Variants in KCNH7 observed in about 807,000 individuals in gnomAD.
The protein encoded by KCNH7 is potassium voltage-gated channel subfamily H member 7.
A neutral mutation model predicts 120.8 loss-of-function variants in KCNH7; 49 were observed. The ratio of observed to expected loss-of-function variants is 0.41; its 90% confidence interval spans 0.32 to 0.51. The LOEUF (loss-of-function observed/expected upper bound fraction) is 0.51, where lower values mean the gene tolerates loss of function less well. Among genes scored for constraint, KCNH7 ranks in the 20% least tolerant of loss-of-function variants. KCNH7 has a pLI of 0.38. For missense variants in KCNH7, 1,097 were observed against 1,446.6 expected (o/e 0.76, Z 3.92); for synonymous variants, 547 against 516.1 (o/e 1.06, Z -0.81).
rs185591691 is a variant in KCNH7, at chr2:162,587,061, G to A, written c.308-49981C>T. Among the ~76,000 whole-genome samples, 252 of 152,098 alleles carry A rather than the reference G, an allele frequency of 1.7e-3. 3 individuals are homozygous for A. The South Asian group carries it at 0.032, about 19-fold the overall frequency. Reference sequence around the variant, plus strand: ...GTTACTTGTAAGCAAAACTTAGTTAGTATTAAATGAATTCATATACATGAA... The same window carrying A: ...GTTACTTGTAAGCAAAACTTAGTTAATATTAAATGAATTCATATACATGAA... On this transcript the variant is annotated intron_variant, in intron 2 of 15. Coordinates refer to ENST00000332142, the MANE Select transcript of KCNH7 (RefSeq NM_033272.4).
chr2:162,458,326 C>T lies in KCNH7; in HGVS notation c.1129-11883G>A, dbSNP rs1005719564. Reference sequence around the variant, plus strand: ...AAACAATTATAATATTTACAAATTACTTCAAATATATGCATATTAAAAAAT... The same window carrying T: ...AAACAATTATAATATTTACAAATTATTTCAAATATATGCATATTAAAAAAT... On this transcript the variant is annotated intron_variant, in intron 6 of 15. Coordinates refer to ENST00000332142, the MANE Select transcript of KCNH7 (RefSeq NM_033272.4). 1.6e-4 allele frequency among the ~76,000 whole-genome samples: 25 copies of T among 152,238 alleles called. 1 individual carries two copies. The highest frequency in any genetic ancestry group is 6.8e-3 in the Middle Eastern group (2 of 294).
chr2:162,496,359 T>A (rs1451682617), intron 6 of KCNH7, among the ~76,000 whole-genome samples: 1 of 152,030 alleles, frequency 6.6e-6, no homozygotes. Context: ...CTTACACAGT[T>A]CTCTTAAGCA....
intron 2 of KCNH7, among the ~76,000 whole-genome samples, chr2:162,635,972 G>A (rs748011318): frequency 1.1e-4 from 16 of 151,904 alleles, no homozygotes; most frequent in African/African-American, 3.1e-4. Flanking sequence ...CTCACTTTAC[G>A]AAATACATCA....
intron 2 of KCNH7, among the ~76,000 whole-genome samples, chr2:162,545,715 C>A (rs1294717234): frequency 6.6e-6 from 1 of 152,100 alleles, no homozygotes; most frequent in African/African-American, 2.4e-5. Context: ...AGGACCAATT[C>A]ATACTGCTTG....
chr2:162,576,990 C>A (rs1328899865), intron 2 of KCNH7, among the ~76,000 whole-genome samples: 2 of 151,858 alleles, frequency 1.3e-5, no homozygotes, highest in African/African-American at 4.8e-5. Context: ...TAGCTCACTG[C>A]AGGCTTGAAC....
At chr2:162,680,343 C>T (rs1237160601) in intron 2 of KCNH7, among the ~76,000 whole-genome samples, 3 of 151,670 alleles carry the variant, frequency 2.0e-5, no homozygotes, top group African/African-American at 7.3e-5. Flanking sequence ...AGAGGTGACA[C>T]AGTTGCTGGG....
At chr2:162,741,017 T>G (rs1688107582) in intron 2 of KCNH7, among the ~76,000 whole-genome samples, 1 of 152,168 alleles carries the variant, frequency 6.6e-6, no homozygotes, top group South Asian at 2.1e-4. Context: ...TCAAAAATCT[T>G]GCTATGATAT....
At chr2:162,734,211 T>C (rs886441147) in intron 2 of KCNH7, among the ~76,000 whole-genome samples, 2 of 152,128 alleles carry the variant, frequency 1.3e-5, no homozygotes, top group Non-Finnish European at 2.9e-5. Flanking sequence ...ATCTGGGATA[T>C]CACATGATAA....
intron 2 of KCNH7, among the ~76,000 whole-genome samples, chr2:162,591,453 C>T (rs1342178823): frequency 1.3e-5 from 2 of 151,932 alleles, no homozygotes; most frequent in South Asian, 4.1e-4. Flanking sequence ...CAGCTTTTAT[C>T]CCCTAGAATT....
intron 2 of KCNH7, among the ~76,000 whole-genome samples, chr2:162,662,233 A>T (rs1684988448): frequency 6.6e-6 from 1 of 152,206 alleles, no homozygotes; most frequent in African/African-American, 2.4e-5. Flanking sequence ...ACTGTACTCC[A>T]GCCTGGGTGA....
intron 2 of KCNH7, among the ~76,000 whole-genome samples, chr2:162,552,600 T>C (rs769789259): frequency 1.4e-4 from 22 of 152,196 alleles, no homozygotes; most frequent in Non-Finnish European, 2.5e-4. Context: ...CAGTTTACTT[T>C]AAGAAAGGGA....
chr2:162,603,159 G>A (rs542726320), intron 2 of KCNH7, among the ~76,000 whole-genome samples: 5 of 151,804 alleles, frequency 3.3e-5, no homozygotes, highest in Non-Finnish European at 7.4e-5. Context: ...TTTATCCTGA[G>A]TTCTAGGACT....
rs1426793012 is a variant in KCNH7 at position 162,517,961 on chromosome 2, G to C, written c.661C>G (p.Gln221Glu). The change falls in exon 4 of 16, where the codon CAG becomes GAG. Residue 221 changes from glutamine to glutamate, a missense_variant. This residue lies in a region of KCNH7 where 362 missense variants were observed against 372.2 expected (regional missense o/e 0.97). Transcript: ENST00000332142. The stretch of plus-strand genomic sequence containing the variant: ...ACCAAGGGAGAACATTTGCTGGGCT[G>C]TATCAAAGCTTTTGTGTCATCTGCT... Reference protein sequence around the residue: ...SEADDTKALIQPSKCSPLVNI... With the variant: ...SEADDTKALIEPSKCSPLVNI... 1.2e-6 allele frequency: 2 copies of C among 1,612,352 alleles called. No individual in the cohort carries two copies. Among genetic ancestry groups the C allele is most frequent in the African/African-American group, 1.3e-5 (1 of 74,772 alleles).
intron 2 of KCNH7, among the ~76,000 whole-genome samples, chr2:162,726,718 C>A (rs1202440483): frequency 6.6e-6 from 1 of 152,162 alleles, no homozygotes; most frequent in Non-Finnish European, 1.5e-5. Context: ...TGGCACCCAG[C>A]CTATTATTCT....
intron 2 of KCNH7, among the ~76,000 whole-genome samples, chr2:162,671,515 T>G (rs1473953241): frequency 1.3e-5 from 2 of 151,836 alleles, no homozygotes; most frequent in South Asian, 4.2e-4. Flanking sequence ...TGAGTACACA[T>G]GGACATACAA....
chr2:162,610,751 C>G (rs1682936287), intron 2 of KCNH7, among the ~76,000 whole-genome samples: 1 of 152,102 alleles, frequency 6.6e-6, no homozygotes, highest in Non-Finnish European at 1.5e-5. Context: ...AATGTGTTTT[C>G]TTTTTCACCT....
chr2:162,772,851 T>C (rs1683102835), intron 2 of KCNH7, among the ~76,000 whole-genome samples: 1 of 152,214 alleles, frequency 6.6e-6, no homozygotes, highest in African/African-American at 2.4e-5. Flanking sequence ...GAGAATCTTA[T>C]ACAGCGGAGG....
intron 2 of KCNH7, among the ~76,000 whole-genome samples, chr2:162,652,151 G>A (rs1684587152): frequency 6.6e-6 from 1 of 152,110 alleles, no homozygotes; most frequent in Non-Finnish European, 1.5e-5. Flanking sequence ...ACAAAGCAGT[G>A]AAATTTGAGT....
chr2:162,807,276 A>AC (rs1233697771), intron 2 of KCNH7, among the ~76,000 whole-genome samples: 7 of 149,686 alleles, frequency 4.7e-5, no homozygotes, highest in East Asian at 2.0e-4. Flanking sequence ...AAAAAAAAAA[A>AC]AAAAAAACAA....
Sources: allele counts gnomAD v4.1 joint callset (sites outside exome capture counted in the v4.1 genomes callset), GRCh38; gene constraint gnomAD v4.1.1; regional missense constraint gnomAD v4.1.1; transcripts MANE v1.5; gene names NCBI Gene and HGNC (gene_info 2026-07-23, HGNC 2026-07-21).